Variants in GALNT13 observed in about 807,000 individuals in gnomAD.
GALNT13 encodes the protein UDP-GalNAc:polypeptide N-acetylgalactosaminyltransferase 13.
A neutral mutation model predicts 64.2 loss-of-function variants in GALNT13; 28 were observed. The ratio of observed to expected loss-of-function variants is 0.44; its 90% CI spans 0.32 to 0.60. The LOEUF is 0.60. Ranked by LOEUF, GALNT13 falls within the 20% of genes least tolerant of loss-of-function variation. GALNT13 has a pLI of 0.05. For missense variants in GALNT13, 577 were observed against 669.8 expected (o/e 0.86, Z 1.53); for synonymous variants, 214 against 224.6 (o/e 0.95, Z 0.42).
intron 9 of GALNT13, among the ~76,000 whole-genome samples, chr2:154,384,131 T>G (rs1459214558): frequency 6.6e-6 from 1 of 151,918 alleles, no homozygotes; most frequent in Non-Finnish European, 1.5e-5. Context: ...GAAAAGTACA[T>G]GGAAGGAATT....
chr2:154,075,102 G>T (rs919637224), intron 3 of GALNT13, among the ~76,000 whole-genome samples: 1 of 151,832 alleles, frequency 6.6e-6, no homozygotes, highest in African/African-American at 2.4e-5. Context: ...AAGAGAGGAA[G>T]ACAAGCTATC....
At chr2:154,009,704 G>A (rs1696498334) in intron 3 of GALNT13, among the ~76,000 whole-genome samples, 1 of 151,956 alleles carries the variant, frequency 6.6e-6, no homozygotes, top group Non-Finnish European at 1.5e-5. Flanking sequence ...TCATCAGGCT[G>A]GTCTCGAACT....
chr2:153,356,521 T>C, the GALNT13 span: 1 of 152,220 alleles, frequency 6.6e-6, no homozygotes, highest in Non-Finnish European at 1.5e-5. Flanking sequence ...GGCCAATTTT[T>C]GTTCTATCTC....
chr2:153,162,160 C>T, the GALNT13 span, among the ~76,000 whole-genome samples: 6 of 152,172 alleles, frequency 3.9e-5, no homozygotes, highest in Non-Finnish European at 7.3e-5. Context: ...AGGTATTCTA[C>T]ATCCACAATG....
chr2:153,634,245 A>C, the GALNT13 span, among the ~76,000 whole-genome samples: 1 of 152,172 alleles, frequency 6.6e-6, no homozygotes, highest in Non-Finnish European at 1.5e-5. Context: ...AAGCATAAGT[A>C]ATTAACCAAA....
At chr2:153,103,402 C>T in the GALNT13 span, among the ~76,000 whole-genome samples, 1 of 152,198 alleles carries the variant, frequency 6.6e-6, no homozygotes, top group Non-Finnish European at 1.5e-5. Flanking sequence ...CCAGAGACAC[C>T]TTTCCTGCCC....
At chr2:153,721,898 C>T in the GALNT13 span, among the ~76,000 whole-genome samples, 15 of 150,868 alleles carry the variant, frequency 9.9e-5, no homozygotes, top group South Asian at 2.1e-4. Context: ...TACAGATCAA[C>T]GAGACAGAAA....
the GALNT13 span, among the ~76,000 whole-genome samples, chr2:153,577,028 C>T: frequency 1.4e-4 from 22 of 151,880 alleles, no homozygotes; most frequent in Non-Finnish European, 2.5e-4. Flanking sequence ...AGAAGTGGAA[C>T]GGATATGTGT....
At chr2:154,152,074 G>A (rs1472600548) in intron 4 of GALNT13, among the ~76,000 whole-genome samples, 2 of 152,190 alleles carry the variant, frequency 1.3e-5, no homozygotes, top group Non-Finnish European at 2.9e-5. Context: ...GGTACCGGTT[G>A]TTCCTTTCCA....
At chr2:153,516,756 ATAAT>A in the GALNT13 span, among the ~76,000 whole-genome samples, 5 of 152,144 alleles carry the variant, frequency 3.3e-5, no homozygotes, top group African/African-American at 1.2e-4. Context: ...AATAATTGAA[ATAAT>A]TAAGCATGAA....
the GALNT13 span, among the ~76,000 whole-genome samples, chr2:153,161,723 G>C: frequency 6.6e-6 from 1 of 152,050 alleles, no homozygotes; most frequent in Non-Finnish European, 1.5e-5. Context: ...ATGAAGGAAG[G>C]AGGTTAGAGA....
chr2:153,892,951 C>G (rs193152159), intron 1 of GALNT13, among the ~76,000 whole-genome samples: 1 of 152,046 alleles, frequency 6.6e-6, no homozygotes. Flanking sequence ...TCCAGAGTGG[C>G]CTAAAGAAAT....
chr2:153,285,232 G>T, the GALNT13 span, among the ~76,000 whole-genome samples: 3 of 152,032 alleles, frequency 2.0e-5, no homozygotes, highest in Non-Finnish European at 4.4e-5. Context: ...CAGCATGGGG[G>T]AAACTGCCCC....
chr2:153,738,833 A>T, the GALNT13 span, among the ~76,000 whole-genome samples: 1 of 151,912 alleles, frequency 6.6e-6, no homozygotes, highest in African/African-American at 2.4e-5. Flanking sequence ...CCCTCAAAAC[A>T]TTATAGAAAT....
the GALNT13 span, among the ~76,000 whole-genome samples, chr2:153,533,048 C>A: frequency 6.6e-6 from 1 of 151,982 alleles, no homozygotes; most frequent in Non-Finnish European, 1.5e-5. Context: ...TGTGGGTATT[C>A]GATTCTCTTT....
At chr2:153,108,057 T>C in the GALNT13 span, among the ~76,000 whole-genome samples, 3 of 152,210 alleles carry the variant, frequency 2.0e-5, no homozygotes, top group East Asian at 5.8e-4. Context: ...TTTGTATTTT[T>C]AGTAGAGACA....
chr2:153,726,165 A>G, the GALNT13 span, among the ~76,000 whole-genome samples: 2 of 152,218 alleles, frequency 1.3e-5, no homozygotes, highest in Non-Finnish European at 2.9e-5. Context: ...ACATGCATAT[A>G]CAGAAAAATT....
the GALNT13 span, among the ~76,000 whole-genome samples, chr2:153,716,469 T>C: frequency 1.3e-5 from 2 of 152,110 alleles, no homozygotes; most frequent in Non-Finnish European, 2.9e-5. Context: ...TGGACACCCC[T>C]GAAAAGCTCA....
chr2:153,525,704 A>G, the GALNT13 span, among the ~76,000 whole-genome samples: 2 of 151,968 alleles, frequency 1.3e-5, no homozygotes, highest in South Asian at 2.1e-4. Context: ...CCCTAGTGCC[A>G]AAAAGGCTGG....
Sources: gnomAD v4.1 joint callset for allele counts (sites outside exome capture counted in the v4.1 genomes callset) on GRCh38, gnomAD v4.1.1 for gene constraint, MANE v1.5 for transcripts, NCBI Gene and HGNC (gene_info 2026-07-23, HGNC 2026-07-21) for gene names.